The following CHD9 variants were observed in gnomAD, a reference collection of about 807,000 sequenced individuals.
CHD9 encodes ATP-dependent chromatin remodeler CHD9.
Under a neutral mutation model 316.1 loss-of-function variants are expected in CHD9, and 77 were observed. The ratio of observed to expected loss-of-function variants is 0.24; its 90% confidence interval spans 0.20 to 0.29. CHD9 has a LOEUF of 0.29. Among genes scored for constraint, CHD9 ranks in the 10% least tolerant of loss-of-function variants. The pLI, the probability that CHD9 is intolerant of heterozygous loss-of-function variation, is 1.00. For synonymous variants in CHD9, 1,129 were observed against 1,158.3 expected (o/e 0.97, Z 0.51); for missense variants, 2,763 against 3,438.1 (o/e 0.80, Z 4.91).
At chr16:53,081,653 T>C (rs1019118350) in intron 1 of CHD9, among the ~76,000 whole-genome samples, 3 of 152,178 alleles carry the variant, frequency 2.0e-5, no homozygotes, top group African/African-American at 7.2e-5. Context: ...AGTGGCATGA[T>C]AGTGGTTCAC....
At position 53,229,094 on chromosome 16, in the gene CHD9, T is replaced by C. The variant is rs764304280; in HGVS notation, c.2280T>C (p.Phe760=). ...KLRQAQRAHF[F]ADMEEEPFNP... is the part of the protein sequence containing the mutation. ...GACAAGCACAAAGAGCACATTTTTT[T>C]GCAGACGTAAGAAAAAAATAAATAA... Residue 760 remains phenylalanine, a synonymous_variant, in exon 8 of 39, where the codon TTT becomes TTC. Transcript: ENST00000447540. The C allele has an allele frequency of 1.9e-6, 3 of 1,553,618 alleles. No homozygotes were observed. The highest frequency in any genetic ancestry group is 2.6e-6 in the Non-Finnish European group (3 of 1,140,656).
intron 33 of CHD9, among the ~76,000 whole-genome samples, 198 bp downstream of exon 33, chr16:53,308,151 C>T (rs2056153583): frequency 1.3e-5 from 2 of 152,132 alleles, no homozygotes; most frequent in South Asian, 4.1e-4. Context: ...ATGTTTTTCT[C>T]TTTATGCTTC....
rs1236297383 is a variant in CHD9, at chr16:53,137,244, T to A, written c.-164-18682T>A. Among the ~76,000 whole-genome samples the A allele has an allele frequency of 2.0e-5, 3 of 152,166 alleles. No homozygotes were observed. In the East Asian group the frequency reaches 5.8e-4, roughly 29 times the overall value. ...GCCTCGGCCTCCCAAAGTGTTGGGA[T>A]TACAGGTGTGAGCCACCGTGCCTGG... is the stretch of plus-strand genomic sequence containing the variant. On this transcript the variant is annotated intron_variant, in intron 1 of 38. Coordinates refer to ENST00000447540, the MANE Select transcript of CHD9 (RefSeq NM_001308319.2).
intron 2 of CHD9, chr16:53,208,057 C>T (rs2046022305): frequency 1.0e-6 from 1 of 994,026 alleles, no homozygotes; most frequent in Admixed American, 6.1e-5. Context: ...ATCTGGCTAT[C>T]TGCTTACAGC....
At position 53,314,914 on chromosome 16, in the gene CHD9, G is replaced by T; in HGVS notation, c.7454G>T (p.Ser2485Ile). Residue 2485 changes from serine (S) to isoleucine (I), a missense_variant, in exon 36 of 39, where the codon AGT becomes ATT. By Grantham distance (142) the Ser-to-Ile change is moderately radical. Coordinates refer to ENST00000447540, the MANE Select transcript of CHD9 (RefSeq NM_001308319.2). ...CCTCAAGGAATTCCTGATACAGAAA[G>T]TCCAGTTCCAGTTATTAATCTTAAA... ...TQPQGIPDTE[S>I]PVPVINLKDG... is the part of the protein sequence containing the mutation. 1 of 1,613,544 alleles carries T rather than the reference G, an allele frequency of 6.2e-7. No homozygotes were observed.
intron 10 of CHD9, among the ~76,000 whole-genome samples, chr16:53,232,046 A>G (rs1228867610): frequency 6.6e-6 from 1 of 152,122 alleles, no homozygotes; most frequent in Admixed American, 6.6e-5. Context: ...AAATGAATTA[A>G]ATATTCCATA....
At chr16:53,070,524 CCTTCCTTCCT>C (rs1313680890) in intron 1 of CHD9, among the ~76,000 whole-genome samples, 8 of 20,976 alleles carry the variant, frequency 3.8e-4, no homozygotes, top group South Asian at 2.8e-3. Flanking sequence ...TTCCTTCCTT[CCTTCCTTCCT>C]CTCTCTCTCT....
chr16:53,250,232 A>AT (rs1181439666), intron 17 of CHD9, 166 bp downstream of exon 17: 11 of 597,546 alleles, frequency 1.8e-5, no homozygotes, highest in Non-Finnish European at 3.1e-5. Context: ...AATTGTTATG[A>AT]TAAAAACTAT....
At chr16:53,104,098 G>A (rs17373783) in intron 1 of CHD9, among the ~76,000 whole-genome samples, 42,314 of 152,084 alleles carry the variant, frequency 0.28, 7,358 homozygotes, top group Non-Finnish European at 0.39. Context: ...AGTTGGCCAG[G>A]GGAATTTTTC....
chr16:53,099,004 T>C (rs1443036776), intron 1 of CHD9, among the ~76,000 whole-genome samples: 1 of 152,222 alleles, frequency 6.6e-6, no homozygotes, highest in Non-Finnish European at 1.5e-5. Flanking sequence ...AGCCTGGCTC[T>C]GACTCATGGA....
At chr16:53,187,548 C>G (rs1003002999) in intron 2 of CHD9, among the ~76,000 whole-genome samples, 2 of 151,724 alleles carry the variant, frequency 1.3e-5, no homozygotes, top group African/African-American at 4.8e-5. Context: ...AGAGTTTTGG[C>G]CAGAGTCTTG....
chr16:53,230,666 A>G (rs563424188), intron 8 of CHD9, among the ~76,000 whole-genome samples: 1 of 152,316 alleles, frequency 6.6e-6, no homozygotes, highest in African/African-American at 2.4e-5. Context: ...AGCGATATAT[A>G]AGATTTATAT....
At chr16:53,230,564 T>C (rs2048081898) in intron 8 of CHD9, among the ~76,000 whole-genome samples, 1 of 152,222 alleles carries the variant, frequency 6.6e-6, no homozygotes, top group South Asian at 2.1e-4. Flanking sequence ...TAGAAGTTCC[T>C]AATAAGCTGA....
At chr16:53,221,343 C>T (rs1000723291) in intron 3 of CHD9, among the ~76,000 whole-genome samples, 2 of 152,016 alleles carry the variant, frequency 1.3e-5, no homozygotes, top group African/African-American at 4.8e-5. Flanking sequence ...AATCTTTGAC[C>T]CTGTGTTTTC....
At chr16:53,150,703 A>G (rs1173406482) in intron 1 of CHD9, among the ~76,000 whole-genome samples, 3 of 152,154 alleles carry the variant, frequency 2.0e-5, no homozygotes, top group East Asian at 3.9e-4. Context: ...ATTTATCTGC[A>G]TGGGTCTTAA....
chr16:53,122,544 CTTT>C (rs35643983), intron 1 of CHD9, among the ~76,000 whole-genome samples: 15 of 129,820 alleles, frequency 1.2e-4, no homozygotes, highest in Admixed American at 2.5e-4. Context: ...CTGGGAATCC[CTTT>C]TTTTTTTTTT....
intron 1 of CHD9, among the ~76,000 whole-genome samples, chr16:53,152,491 G>A (rs951165029): frequency 5.3e-5 from 8 of 152,166 alleles, no homozygotes; most frequent in African/African-American, 1.9e-4. Flanking sequence ...AAGGGGGTGA[G>A]CAAGAGAGAA....
At chr16:53,196,198 G>A (rs1483424555) in intron 2 of CHD9, among the ~76,000 whole-genome samples, 1 of 152,104 alleles carries the variant, frequency 6.6e-6, no homozygotes, top group Non-Finnish European at 1.5e-5. Context: ...TCATCTGCAT[G>A]TGTTTGTGTG....
chr16:53,267,609 G>A (rs2051822539), intron 21 of CHD9, 119 bp downstream of exon 21: 1 of 729,804 alleles, frequency 1.4e-6, no homozygotes, highest in East Asian at 2.9e-5. Flanking sequence ...TACTTTTAAA[G>A]TACTCTATTT....
Sources: allele counts gnomAD v4.1 joint callset (sites outside exome capture counted in the v4.1 genomes callset), GRCh38; gene constraint gnomAD v4.1.1; transcripts MANE v1.5; gene names NCBI Gene and HGNC (gene_info 2026-07-23, HGNC 2026-07-21).